The following PDE1C variants were observed in gnomAD, a reference collection of about 807,000 sequenced individuals.
PDE1C encodes the protein phosphodiesterase 1C, also known as dual specificity calcium/calmodulin-dependent 3',5'-cyclic nucleotide phosphodiesterase 1C.
A neutral mutation model predicts 93.1 loss-of-function variants in PDE1C; 62 were observed. The ratio of observed to expected loss-of-function variants is 0.67; its 90% CI spans 0.54 to 0.82. The LOEUF (loss-of-function observed/expected upper bound fraction) is 0.82, where lower values mean the gene tolerates loss of function less well. Among genes scored for constraint, PDE1C ranks in the 40% least tolerant of loss-of-function variants. The pLI is 0.00. For synonymous variants in PDE1C, 325 were observed against 310.1 expected, an observed-to-expected ratio of 1.05 and a Z score of -0.50; for missense variants, 742 against 884.6, an observed-to-expected ratio of 0.84 and a Z score of 2.04.
At chr7:31,677,743 T>C in the PDE1C span, among the ~76,000 whole-genome samples, 1 of 152,184 alleles carries the variant, frequency 6.6e-6, no homozygotes, top group African/African-American at 2.4e-5. Flanking sequence ...AAATGCCAGC[T>C]ATGGCATTTC....
chr7:32,423,312 G>A (rs1463905210), intron 1 of PDE1C, among the ~76,000 whole-genome samples: 1 of 152,172 alleles, frequency 6.6e-6, no homozygotes, highest in African/African-American at 2.4e-5. Flanking sequence ...AGGAGGTTGA[G>A]GCTGCAGTAA....
chr7:31,696,362 A>C, the PDE1C span, among the ~76,000 whole-genome samples: 1 of 152,204 alleles, frequency 6.6e-6, no homozygotes, highest in Admixed American at 6.5e-5. Context: ...ATAATAGCTG[A>C]AATATGCAGT....
intron 1 of PDE1C, among the ~76,000 whole-genome samples, chr7:32,370,171 C>T (rs866639695): frequency 5.9e-5 from 9 of 152,028 alleles, no homozygotes; most frequent in African/African-American, 1.9e-4. Context: ...TGAGTTCTGC[C>T]GGGCGCAGTG....
the PDE1C span, among the ~76,000 whole-genome samples, chr7:31,705,169 C>T: frequency 6.6e-6 from 1 of 152,202 alleles, no homozygotes; most frequent in African/African-American, 2.4e-5. Context: ...GATGATTTAA[C>T]AGGCTTTTCT....
intron 1 of PDE1C, among the ~76,000 whole-genome samples, chr7:32,410,997 T>C (rs2128097819): frequency 6.6e-6 from 1 of 152,324 alleles, no homozygotes; most frequent in East Asian, 1.9e-4. Flanking sequence ...GACTGATTCA[T>C]AGACTAATGG....
chr7:32,170,728 A>G (rs942015815), intron 2 of PDE1C, among the ~76,000 whole-genome samples: 1 of 152,102 alleles, frequency 6.6e-6, no homozygotes, highest in Non-Finnish European at 1.5e-5. Context: ...TGCCTGAGTC[A>G]CCTGACCTTG....
At chr7:32,183,297 C>A (rs1319963743) in intron 2 of PDE1C, among the ~76,000 whole-genome samples, 4 of 152,176 alleles carry the variant, frequency 2.6e-5, no homozygotes, top group Non-Finnish European at 4.4e-5. Context: ...TTGGAAAAAA[C>A]TACTTTAAAC....
At chr7:31,651,378 C>A in the PDE1C span, 11 of 1,264,148 alleles carry the variant, frequency 8.7e-6, no homozygotes, top group African/African-American at 1.2e-4. Flanking sequence ...TAATGAGAAA[C>A]CGGCCAGCTT....
chr7:31,908,893 T>A (rs903878791), intron 2 of PDE1C, among the ~76,000 whole-genome samples: 1 of 152,200 alleles, frequency 6.6e-6, no homozygotes, highest in African/African-American at 2.4e-5. Flanking sequence ...ATAAAGGAGA[T>A]TGTGCTACAT....
intron 3 of PDE1C, among the ~76,000 whole-genome samples, chr7:32,102,085 A>G (rs1798067893): frequency 6.6e-6 from 1 of 152,146 alleles, no homozygotes; most frequent in African/African-American, 2.4e-5. Context: ...TGACCCAAAT[A>G]TTTCCCACTA....
At chr7:31,683,261 T>TAATA in the PDE1C span, among the ~76,000 whole-genome samples, 2 of 152,208 alleles carry the variant, frequency 1.3e-5, no homozygotes, top group Admixed American at 1.3e-4. Flanking sequence ...AAGGGATCTA[T>TAATA]CTCTCTGTAT....
chr7:32,006,375 C>T (rs771357825), intron 2 of PDE1C, among the ~76,000 whole-genome samples: 4 of 152,096 alleles, frequency 2.6e-5, no homozygotes, highest in Non-Finnish European at 5.9e-5. Flanking sequence ...AGAAAATCCT[C>T]CCCCACACTA....
intron 1 of PDE1C, among the ~76,000 whole-genome samples, chr7:32,427,481 AT>A (rs1562720053): frequency 6.6e-6 from 1 of 152,122 alleles, no homozygotes; most frequent in East Asian, 1.9e-4. Flanking sequence ...CCTTTTCCCA[AT>A]TCCCGTGGGA....
intron 1 of PDE1C, among the ~76,000 whole-genome samples, chr7:32,069,476 C>T (rs924237934): frequency 2.6e-5 from 4 of 151,994 alleles, no homozygotes; most frequent in Admixed American, 6.6e-5. Flanking sequence ...TGGGACCTGC[C>T]CAGTGACTGA....
At chr7:31,850,906 C>A in intron 7 of PDE1C, 165 bp from the exon 8 acceptor site, 1 of 598,332 alleles carries the variant, frequency 1.7e-6, no homozygotes, top group Non-Finnish European at 3.0e-6. Context: ...TGTGAAGAGA[C>A]TTGGAGACTT....
Position 31,850,761 on chromosome 7 carries a change from C to CTCTGT in PDE1C, c.751-21_751-20insACAGA. 1 of 1,527,498 alleles carries CTCTGT rather than the reference C, an allele frequency of 6.5e-7. No individual in the cohort carries two copies. The highest frequency in any genetic ancestry group is 1.1e-5 in the South Asian group (1 of 89,292). The allele number at this position is 1,527,498 out of a possible 1,614,324, so 94.6% of individuals were successfully genotyped here. A position where few individuals can be genotyped will look rare whatever the true frequency, so the allele number is the denominator to read the frequency against. ...CCAGTTCTGAAAGGAGATTACAGAG[C>CTCTGT]AATCAGATAATCTGTTTCTTTCTCA... On this transcript the variant is annotated intron_variant, in intron 7 of 17. Coordinates refer to ENST00000396191, the MANE Select transcript of PDE1C (RefSeq NM_001191057.4).
chr7:31,707,204 G>A, the PDE1C span: 1 of 1,613,448 alleles, frequency 6.2e-7, no homozygotes, highest in Non-Finnish European at 8.5e-7. Flanking sequence ...TGTTTTGCAG[G>A]TGTGACATTG....
chr7:31,709,166 A>G, the PDE1C span, among the ~76,000 whole-genome samples: 1 of 152,228 alleles, frequency 6.6e-6, no homozygotes, highest in Non-Finnish European at 1.5e-5. Flanking sequence ...GAGATGCTCG[A>G]TAACTTCTGA....
chr7:31,989,309 G>C (rs1200802051), intron 2 of PDE1C, among the ~76,000 whole-genome samples: 1 of 152,030 alleles, frequency 6.6e-6, no homozygotes, highest in Non-Finnish European at 1.5e-5. Context: ...TCTCCTCCCA[G>C]CCCAGTAAGT....
Sources: allele counts gnomAD v4.1 joint callset (sites outside exome capture counted in the v4.1 genomes callset), GRCh38; gene constraint gnomAD v4.1.1; transcripts MANE v1.5; gene names NCBI Gene and HGNC (gene_info 2026-07-23, HGNC 2026-07-21).